Variants in DNAH14 observed in about 807,000 individuals in gnomAD.
DNAH14 encodes dynein axonemal heavy chain 14.
Under a neutral mutation model 520.9 loss-of-function variants are expected in DNAH14, and 478 were observed. The ratio of observed to expected loss-of-function variants is 0.92; its 90% confidence interval spans 0.85 to 0.99. The LOEUF (loss-of-function observed/expected upper bound fraction) is 0.99, where lower values mean the gene tolerates loss of function less well. Ranked by LOEUF, DNAH14 falls within the 50% of genes least tolerant of loss-of-function variation. The pLI, the probability that DNAH14 is intolerant of heterozygous loss-of-function variation, is 0.00. For missense variants in DNAH14, 4,831 were observed against 5,234.5 expected (o/e 0.92, Z 2.38); for synonymous variants, 1,581 against 1,757.2 (o/e 0.90, Z 2.51).
chr1:225,050,084 G>T (rs2068394322), intron 15 of DNAH14, 126 bp from the exon 16 acceptor site: 3 of 753,944 alleles, frequency 4.0e-6, no homozygotes, highest in Non-Finnish European at 5.9e-6. Context: ...TATAAATATA[G>T]AATATTGTCT....
At chr1:224,967,953 T>C (rs957686933) in intron 6 of DNAH14, 1 of 1,159,180 alleles carries the variant, frequency 8.6e-7, no homozygotes, top group Non-Finnish European at 1.1e-6. Context: ...TTGCCAGATG[T>C]AGAAATCCCC....
At chr1:224,950,926 A>G (rs1302265283) in intron 1 of DNAH14, among the ~76,000 whole-genome samples, 1 of 152,206 alleles carries the variant, frequency 6.6e-6, no homozygotes, top group Non-Finnish European at 1.5e-5. Context: ...TCAATAAAAC[A>G]TTTGTGGCAA....
chr1:225,023,918 A>G, intron 11 of DNAH14, 53 bp downstream of exon 11: 3 of 1,472,206 alleles, frequency 2.0e-6, no homozygotes, highest in Non-Finnish European at 2.7e-6. Context: ...ATATTTTAAC[A>G]TTGCCACATA....
At chr1:225,062,077 AT>A (rs765072213) in intron 17 of DNAH14, among the ~76,000 whole-genome samples, 6,348 of 25,452 alleles carry the variant, frequency 0.25, 222 homozygotes, top group Non-Finnish European at 0.51. Flanking sequence ...GGCGGATGGA[AT>A]GCTTGAGCTG....
At chr1:225,253,129 A>G (rs543066939) in intron 44 of DNAH14, among the ~76,000 whole-genome samples, 1 of 152,322 alleles carries the variant, frequency 6.6e-6, no homozygotes, top group East Asian at 1.9e-4. Flanking sequence ...TTTTAACTCT[A>G]CATTTGTTTT....
intron 77 of DNAH14, among the ~76,000 whole-genome samples, chr1:225,374,285 A>G (rs2095667231): frequency 7.2e-6 from 1 of 138,268 alleles, no homozygotes; most frequent in Middle Eastern, 4.1e-3. Flanking sequence ...TTTTTGAGAT[A>G]GAGTCTCACT....
intron 35 of DNAH14, among the ~76,000 whole-genome samples, chr1:225,165,859 A>G (rs908822167): frequency 6.6e-6 from 1 of 152,114 alleles, no homozygotes; most frequent in African/African-American, 2.4e-5. Context: ...TGCTGGGGTT[A>G]CAGTAGTGAG....
intron 47 of DNAH14, 30 bp from the exon 48 acceptor site, chr1:225,265,152 T>G: frequency 7.2e-7 from 1 of 1,390,712 alleles, no homozygotes; most frequent in Non-Finnish European, 9.4e-7. Flanking sequence ...GTCCTAAATT[T>G]GTTTTTTCTT....
At chr1:225,341,277 T>C (rs1437253453) in intron 69 of DNAH14, among the ~76,000 whole-genome samples, 1 of 151,990 alleles carries the variant, frequency 6.6e-6, no homozygotes, top group African/African-American at 2.4e-5. Context: ...ACTTAATAAC[T>C]AAAAGATATT....
intron 63 of DNAH14, 115 bp downstream of exon 63, chr1:225,324,468 A>C: frequency 7.5e-7 from 1 of 1,337,206 alleles, no homozygotes; most frequent in Non-Finnish European, 1.0e-6. Context: ...ATACCTAAGG[A>C]GAAACACTTT....
At chr1:225,388,019 T>C (rs1018542114) in intron 81 of DNAH14, among the ~76,000 whole-genome samples, 2 of 151,936 alleles carry the variant, frequency 1.3e-5, no homozygotes, top group African/African-American at 4.8e-5. Flanking sequence ...TTTATAGAAC[T>C]TTGTATAGGG....
intron 10 of DNAH14, among the ~76,000 whole-genome samples, chr1:225,018,701 CT>C (rs1433239559): frequency 6.6e-6 from 1 of 152,158 alleles, no homozygotes; most frequent in Non-Finnish European, 1.5e-5. Context: ...AACAGCAGTC[CT>C]TTTAGCAGAA....
Position 225,340,472 on chromosome 1 carries a change from A to G in DNAH14, c.10449A>G (p.Thr3483=), listed in dbSNP as rs1398299026. ...TCATGTTCAGGTTATACTTATCTAC[A>G]GAAATAGACAACCCCCATTTTCTTC... ...YNSNFRLYLS[T]EIDNPHFLPS... The change falls in exon 69 of 86, where the codon ACA becomes ACG. Residue 3483 remains threonine, a synonymous_variant. Transcript: ENST00000682510. 1.3e-6 allele frequency: 2 copies of G among 1,550,500 alleles called. No individual in the cohort carries two copies. Among genetic ancestry groups the G allele is most frequent in the East Asian group, 2.4e-5 (1 of 40,820 alleles).
At chr1:225,009,372 C>A (rs1286321649) in intron 10 of DNAH14, among the ~76,000 whole-genome samples, 1 of 152,154 alleles carries the variant, frequency 6.6e-6, no homozygotes, top group African/African-American at 2.4e-5. Context: ...ATCCTTTCCC[C>A]ATTTCTTGTT....
intron 60 of DNAH14, among the ~76,000 whole-genome samples, chr1:225,310,892 C>G (rs2094350890): frequency 6.6e-6 from 1 of 152,046 alleles, no homozygotes; most frequent in African/African-American, 2.4e-5. Flanking sequence ...ATTGTGAATA[C>G]TCCCACAATA....
chr1:225,106,361 T>C (rs1405273365), intron 23 of DNAH14, among the ~76,000 whole-genome samples: 1 of 151,910 alleles, frequency 6.6e-6, no homozygotes, highest in African/African-American at 2.4e-5. Context: ...TTATGTGTCT[T>C]GGAGTTGCTC....
At chr1:224,935,703 G>A (rs2058988273) in intron 1 of DNAH14, among the ~76,000 whole-genome samples, 1 of 151,794 alleles carries the variant, frequency 6.6e-6, no homozygotes, top group African/African-American at 2.4e-5. Context: ...AACTGGACTT[G>A]AGACCAAATG....
intron 37 of DNAH14, among the ~76,000 whole-genome samples, chr1:225,186,999 G>C (rs947217964): frequency 6.6e-6 from 1 of 151,620 alleles, no homozygotes; most frequent in African/African-American, 2.4e-5. Flanking sequence ...GTTTAGTTTT[G>C]TTTAATTTAT....
chr1:225,300,909 G>A lies in DNAH14; in HGVS notation c.8510G>A (p.Gly2837Glu). 6.4e-7 allele frequency: 1 copy of A among 1,551,288 alleles called. No homozygotes were observed. Among genetic ancestry groups the A allele is most frequent in the Non-Finnish European group, 8.7e-7 (1 of 1,146,876 alleles). ...GATTTGAACTACATCATCAGTTCAG[G>A]AAGAATACCTGACCTGTTTGAAAAT... is the stretch of plus-strand genomic sequence containing the variant. Reference protein sequence around the residue: ...LEDLNYIISSGRIPDLFENVE... With the variant: ...LEDLNYIISSERIPDLFENVE... The change falls in exon 56 of 86, where the codon GGA becomes GAA. Residue 2837 changes from glycine (G) to glutamate (E), a missense_variant. Physicochemically the swap from Gly to Glu is moderately conservative, Grantham distance 98. Transcript: ENST00000682510.
Sources: gnomAD v4.1 joint callset for allele counts (sites outside exome capture counted in the v4.1 genomes callset) on GRCh38, gnomAD v4.1.1 for gene constraint, MANE v1.5 for transcripts, NCBI Gene and HGNC (gene_info 2026-07-23, HGNC 2026-07-21) for gene names.